The following RUBCN variants were observed in gnomAD, a reference collection of about 807,000 sequenced individuals.
RUBCN encodes run domain Beclin-1-interacting and cysteine-rich domain-containing protein.
RUBCN carries 74 observed loss-of-function variants against 113.2 expected under a neutral mutation model. That is an observed-to-expected ratio of 0.65 (90% CI 0.54 to 0.79). The LOEUF (loss-of-function observed/expected upper bound fraction) is 0.79, where lower values mean the gene tolerates loss of function less well. Among genes scored for constraint, RUBCN ranks in the 30% least tolerant of loss-of-function variants. The probability of loss-of-function intolerance (pLI) is 0.00; values close to 1 mark genes in which losing one functional copy is unlikely to be tolerated. For missense variants in RUBCN, 1,109 were observed against 1,251.7 expected (o/e 0.89, Z 1.72); for synonymous variants, 480 against 490.0 (o/e 0.98, Z 0.27).
upstream of RUBCN, among the ~76,000 whole-genome samples, chr3:197,739,672 C>G (rs888380713): frequency 2.6e-5 from 4 of 152,118 alleles, no homozygotes; most frequent in African/African-American, 7.2e-5. Context: ...GCACTCCAGC[C>G]TGGAAGACAG....
At chr3:197,718,870 G>A (rs74990302) in intron 1 of RUBCN, among the ~76,000 whole-genome samples, 13,101 of 152,222 alleles carry the variant, frequency 0.086, 647 homozygotes, top group Middle Eastern at 0.12. Context: ...ATTTCCAAGC[G>A]CTAACTACAG....
chr3:197,674,992 C>T lies in RUBCN; in HGVS notation c.*26G>A, dbSNP rs778057361. 6.8e-6 allele frequency: 11 copies of T among 1,607,634 alleles called. No individual in the cohort carries two copies. Among genetic ancestry groups the T allele is most frequent in the African/African-American group, 1.3e-5 (1 of 74,960 alleles). ...GTTCTGCAACAGGTGTGACCCGGCC[C>T]GGAGGGAGGGCTGCACGTGCTTTCT... is the stretch of plus-strand genomic sequence containing the variant. On this transcript the variant is annotated 3_prime_UTR_variant, in exon 20 of 20. Transcript: ENST00000296343.
intron 7 of RUBCN, 148 bp downstream of exon 7, chr3:197,700,465 T>C (rs1723517631): frequency 1.4e-6 from 1 of 726,046 alleles, no homozygotes; most frequent in Non-Finnish European, 2.3e-6. Context: ...CAGTATTTCG[T>C]TATAAACTTC....
chr3:197,694,726 G>A lies in RUBCN; in HGVS notation c.1474-141C>T. ...GGAGAAATGGACATTTCTACTACGAGGAAAGCTGATGGCTGGAAAACCTAT... is the reference window on the plus strand; with the variant it reads ...GGAGAAATGGACATTTCTACTACGAAGAAAGCTGATGGCTGGAAAACCTAT... On this transcript the variant is annotated intron_variant, in intron 9 of 19. Coordinates refer to ENST00000296343, the MANE Select transcript of RUBCN (RefSeq NM_014687.4). 4 of 767,872 alleles carry A rather than the reference G, an allele frequency of 5.2e-6. No individual in the cohort carries two copies. The South Asian group carries it at 5.9e-5, about 11-fold the overall frequency. The allele number at this position is 767,872 out of a possible 1,614,324, so 47.6% of individuals were successfully genotyped here. A position where few individuals can be genotyped will look rare whatever the true frequency, so the allele number is the denominator to read the frequency against.
In RUBCN at chr3:197,745,502, C is replaced by G. The variant is rs1175998627; in HGVS notation, c.-116+3767G>C. ...TGGTGGCGCATGCCTGAAATCCCAGCTACTTGGGAGGCTAAGGCAGGAGAA... is the reference window on the plus strand; with the variant it reads ...TGGTGGCGCATGCCTGAAATCCCAGGTACTTGGGAGGCTAAGGCAGGAGAA... On this transcript the variant is annotated intron_variant, in intron 1 of 20. Transcript: ENST00000273582. Among the ~76,000 whole-genome samples the G allele has an allele frequency of 2.0e-5, 3 of 151,366 alleles. No homozygotes were observed. The East Asian group carries it at 5.8e-4, about 29-fold the overall frequency.
chr3:197,733,339 G>A (rs952032136), intron 1 of RUBCN, among the ~76,000 whole-genome samples: 13 of 152,066 alleles, frequency 8.5e-5, no homozygotes, highest in Admixed American at 8.5e-4. Flanking sequence ...AAAATTAGCT[G>A]GGAGTGGTGG....
upstream of RUBCN, among the ~76,000 whole-genome samples, chr3:197,739,673 T>A (rs1204257416): frequency 1.3e-5 from 2 of 152,090 alleles, no homozygotes; most frequent in African/African-American, 2.4e-5. Flanking sequence ...CACTCCAGCC[T>A]GGAAGACAGA....
At chr3:197,701,236 G>A in intron 6 of RUBCN, 90 bp from the exon 7 acceptor site, 1 of 1,189,014 alleles carries the variant, frequency 8.4e-7, no homozygotes, top group Non-Finnish European at 1.2e-6. Context: ...GACATACGAT[G>A]TCACCTCAGA....
chr3:197,734,990 C>T (rs1343926196), intron 1 of RUBCN, among the ~76,000 whole-genome samples: 1 of 152,236 alleles, frequency 6.6e-6, no homozygotes, highest in Non-Finnish European at 1.5e-5. Context: ...CCAGGAACAT[C>T]TCATAAATCT....
intron 1 of RUBCN, among the ~76,000 whole-genome samples, chr3:197,720,850 T>TAG: frequency 6.6e-6 from 1 of 152,274 alleles, no homozygotes. Flanking sequence ...GATCACACAG[T>TAG]AGTTCTATTT....
rs1291161661 is a variant in RUBCN, at chr3:197,730,568, AT to A, written c.65+6086del. On this transcript the variant is annotated intron_variant, in intron 1 of 19. Transcript: ENST00000296343. ...TTTCTGAAGCAACAGTACACCCTAGATTTTTTTTTTTTTTTTTTGAGAGAGA... is the reference window on the plus strand; with the variant it reads ...TTTCTGAAGCAACAGTACACCCTAGATTTTTTTTTTTTTTTTTGAGAGAGA... Among the ~76,000 whole-genome samples the A allele has an allele frequency of 9.3e-3, 1,289 of 138,502 alleles. 10 individuals carry two copies. The highest frequency in any genetic ancestry group is 0.021 in the South Asian group (93 of 4,366). 90.9% of individuals were successfully genotyped at this position (138,502 alleles called of 152,430 possible).
chr3:197,729,145 C>CA (rs572262416), intron 1 of RUBCN, among the ~76,000 whole-genome samples: 1,336 of 75,214 alleles, frequency 0.018, 8 homozygotes, highest in Middle Eastern at 0.039. Context: ...GACTCCGTCT[C>CA]AAAAAAAAAA....
chr3:197,723,892 C>T lies in RUBCN; in HGVS notation c.66-5762G>A, dbSNP rs149023774. ...GGCAGATCACCTGAGGTCAGGAGTTCGAGACCAACCTGACCAACATGGAAA... is the reference window on the plus strand; with the variant it reads ...GGCAGATCACCTGAGGTCAGGAGTTTGAGACCAACCTGACCAACATGGAAA... On this transcript the variant is annotated intron_variant, in intron 1 of 19. Coordinates refer to ENST00000296343, the MANE Select transcript of RUBCN (RefSeq NM_014687.4). Among the ~76,000 whole-genome samples the T allele has an allele frequency of 2.0e-5, 3 of 151,920 alleles. No individual in the cohort carries two copies. In the East Asian group the frequency reaches 5.8e-4, roughly 30 times the overall value.
intron 1 of RUBCN, among the ~76,000 whole-genome samples, chr3:197,745,603 G>A (rs191123468): frequency 1.4e-5 from 2 of 144,396 alleles, no homozygotes; most frequent in East Asian, 2.1e-4. Flanking sequence ...CAAAAAGAGT[G>A]AAAATCCATC....
At position 197,704,720 on chromosome 3, in the gene RUBCN, T is replaced by C; in HGVS notation, c.304-19A>G. 1 of 1,612,934 alleles carries C rather than the reference T, an allele frequency of 6.2e-7. No individual in the cohort carries two copies. The highest frequency in any genetic ancestry group is 8.5e-7 in the Non-Finnish European group (1 of 1,179,794). On this transcript the variant is annotated intron_variant, in intron 3 of 19. Coordinates refer to ENST00000296343, the MANE Select transcript of RUBCN (RefSeq NM_014687.4). ...TGATGAACTGGGAAGCAAAGGGGCA[T>C]GAGTCAAAACACACATCCTGGTAGA...
chr3:197,739,746 A>T (rs1728446593), upstream of RUBCN, among the ~76,000 whole-genome samples: 1 of 152,016 alleles, frequency 6.6e-6, no homozygotes, highest in African/African-American at 2.4e-5. Context: ...CTTTATCAGG[A>T]AATCCTAGGG....
At chr3:197,746,046 GAAAGA>G (rs1406833801) in intron 1 of RUBCN, among the ~76,000 whole-genome samples, 1 of 151,998 alleles carries the variant, frequency 6.6e-6, no homozygotes, top group Non-Finnish European at 1.5e-5. Flanking sequence ...AGGAAAGAAA[GAAAGA>G]AAAGTATGAG....
At chr3:197,745,930 G>A (rs968441305) in intron 1 of RUBCN, among the ~76,000 whole-genome samples, 2 of 151,718 alleles carry the variant, frequency 1.3e-5, no homozygotes, top group African/African-American at 4.8e-5. Context: ...TCAGCTATAG[G>A]GGAGGTTGAG....
intron 1 of RUBCN, among the ~76,000 whole-genome samples, chr3:197,725,828 A>AGGT (rs1275460126): frequency 1.3e-5 from 2 of 152,166 alleles, no homozygotes; most frequent in Admixed American, 6.6e-5. Flanking sequence ...CTAACCACCA[A>AGGT]CAAACTCCTT....
Sources: allele counts gnomAD v4.1 joint callset (sites outside exome capture counted in the v4.1 genomes callset), GRCh38; gene constraint gnomAD v4.1.1; transcripts MANE v1.5; gene names NCBI Gene and HGNC (gene_info 2026-07-23, HGNC 2026-07-21).